The following RP1 variants were observed in gnomAD, a reference collection of about 807,000 sequenced individuals.
RP1 encodes the protein RP1 axonemal microtubule associated, also known as oxygen-regulated protein 1.
RP1 carries 16 observed loss-of-function variants against 14.8 expected under a neutral mutation model. That is an observed-to-expected ratio of 1.08 (90% CI 0.73 to 1.65). The LOEUF (loss-of-function observed/expected upper bound fraction) is 1.65. Ranked by LOEUF, RP1 falls within the 40% of genes most tolerant of loss-of-function variation. The pLI is 0.00. For missense variants in RP1, 2,631 were observed against 2,535.0 expected (o/e 1.04, Z -0.81); for synonymous variants, 876 against 883.6 (o/e 0.99, Z 0.15).
At chr8:54,785,485 A>G (rs1459209478) in intron 24 of RP1, among the ~76,000 whole-genome samples, 2 of 149,962 alleles carry the variant, frequency 1.3e-5, no homozygotes, top group Non-Finnish European at 2.9e-5. Flanking sequence ...ACATCTATGT[A>G]CAAGTTTTTG....
Position 54,630,374 on chromosome 8 carries a change from T to C in RP1, c.*21T>C, listed in dbSNP as rs746305568. Reference sequence around the variant, plus strand: ...TATAATTTCAATATCAGCACACTCATTCTTTGTCAATTCATTTTTTCCCAT... The same window carrying C: ...TATAATTTCAATATCAGCACACTCACTCTTTGTCAATTCATTTTTTCCCAT... On this transcript the variant is annotated 3_prime_UTR_variant, in exon 4 of 4. Coordinates refer to ENST00000220676, the MANE Select transcript of RP1 (RefSeq NM_006269.2). 70 of 1,612,476 alleles carry C rather than the reference T, an allele frequency of 4.3e-5. 1 individual carries two copies. The Admixed American group carries it at 1.2e-3, about 27-fold the overall frequency.
chr8:54,652,591 CT>C lies in RP1; in HGVS notation c.952-188del, dbSNP rs1435196460. Among the ~76,000 whole-genome samples, 3 of 152,108 alleles carry C rather than the reference CT, an allele frequency of 2.0e-5. No individual in the cohort carries two copies. In the East Asian group the frequency reaches 5.8e-4, roughly 29 times the overall value. ...AACTATTATCATAGAGTGTCTGTTT[CT>C]CTATTCAGTTCTGTTAAATTTTGCT... is the stretch of plus-strand genomic sequence containing the variant. On this transcript the variant is annotated intron_variant, in intron 4 of 22. Transcript: ENST00000636932.
intron 24 of RP1, among the ~76,000 whole-genome samples, chr8:54,833,745 T>A (rs1445507990): frequency 6.6e-6 from 1 of 151,996 alleles, no homozygotes; most frequent in Admixed American, 6.6e-5. Flanking sequence ...ACTAATTGGA[T>A]TACAAACTGT....
chr8:54,630,175 A>C lies in RP1; in HGVS notation c.6293A>C (p.Glu2098Ala), dbSNP rs1454735315. 4 of 1,613,772 alleles carry C rather than the reference A, an allele frequency of 2.5e-6. No homozygotes were observed. The Admixed American group carries it at 6.7e-5, about 27-fold the overall frequency. The change falls in exon 4 of 4, where the codon GAA becomes GCA. Residue 2098 changes from glutamate (E) to alanine (A), a missense_variant. Coordinates refer to ENST00000220676, the MANE Select transcript of RP1 (RefSeq NM_006269.2). ...RENINCHYFFEMLGQACLLDI... is the reference protein window; with the variant it reads ...RENINCHYFFAMLGQACLLDI... ...AATATCAACTGTCATTACTTCTTTGAAATGCTTGGTCAAGCTTGCCTCTTA... is the reference window on the plus strand; with the variant it reads ...AATATCAACTGTCATTACTTCTTTGCAATGCTTGGTCAAGCTTGCCTCTTA...
intron 12 of RP1, among the ~76,000 whole-genome samples, chr8:54,687,675 G>T (rs1288129742): frequency 1.3e-5 from 2 of 152,146 alleles, no homozygotes; most frequent in Non-Finnish European, 2.9e-5. Flanking sequence ...ATTCCATGGT[G>T]TATATACGCC....
chr8:54,854,472 C>T (rs558201271), intron 26 of RP1, among the ~76,000 whole-genome samples: 1 of 152,276 alleles, frequency 6.6e-6, no homozygotes, highest in South Asian at 2.1e-4. Flanking sequence ...TTTTATGTAA[C>T]ATTATATCTA....
intron 25 of RP1, among the ~76,000 whole-genome samples, chr8:54,839,168 A>G (rs1811734594): frequency 6.6e-6 from 1 of 152,126 alleles, no homozygotes; most frequent in Non-Finnish European, 1.5e-5. Flanking sequence ...TTTGCCTTGA[A>G]CAGGTGGGTT....
At chr8:54,834,052 G>C (rs988253517) in intron 24 of RP1, among the ~76,000 whole-genome samples, 2 of 152,022 alleles carry the variant, frequency 1.3e-5, no homozygotes, top group Admixed American at 1.3e-4. Context: ...GAAAGACAGA[G>C]CTCAGATCCT....
At chr8:54,659,316 G>A (rs1323470904) in intron 6 of RP1, among the ~76,000 whole-genome samples, 2 of 152,012 alleles carry the variant, frequency 1.3e-5, no homozygotes, top group Admixed American at 6.6e-5. Context: ...TATCCTGAAG[G>A]TTTTCTCTTA....
At chr8:54,796,770 G>A (rs1258590538) in intron 24 of RP1, among the ~76,000 whole-genome samples, 2 of 152,134 alleles carry the variant, frequency 1.3e-5, no homozygotes, top group Non-Finnish European at 2.9e-5. Context: ...GAGAGAATAA[G>A]TATCCGTTGT....
At chr8:54,722,757 A>G (rs1808567128) in intron 16 of RP1, among the ~76,000 whole-genome samples, 1 of 152,114 alleles carries the variant, frequency 6.6e-6, no homozygotes, top group Non-Finnish European at 1.5e-5. Context: ...CTGACTGATA[A>G]GGGGACTTGG....
At chr8:54,676,097 A>C (rs1807289862) in intron 8 of RP1, among the ~76,000 whole-genome samples, 1 of 152,064 alleles carries the variant, frequency 6.6e-6, no homozygotes, top group South Asian at 2.1e-4. Flanking sequence ...TAAACGCTCC[A>C]TCTCTTAATG....
At chr8:54,806,983 AC>A (rs1810867722) in intron 24 of RP1, among the ~76,000 whole-genome samples, 1 of 152,246 alleles carries the variant, frequency 6.6e-6, no homozygotes, top group Non-Finnish European at 1.5e-5. Flanking sequence ...GAAAAATTGA[AC>A]AAAACAGGCA....
chr8:54,862,867 A>T (rs1374907059), intron 27 of RP1, among the ~76,000 whole-genome samples: 4 of 152,106 alleles, frequency 2.6e-5, no homozygotes. Flanking sequence ...AGAAATGCCA[A>T]GAAAGGGAGA....
chr8:54,636,189 A>G (rs1266347058), intron 3 of RP1, among the ~76,000 whole-genome samples: 2 of 152,204 alleles, frequency 1.3e-5, no homozygotes, highest in Non-Finnish European at 2.9e-5. Context: ...CTTGACAGGA[A>G]TAATCTGGAT....
rs1039912228 is a variant in RP1, at chr8:54,830,208, T to C, written c.3616-7242T>C. Among the ~76,000 whole-genome samples, 7 of 152,280 alleles carry C rather than the reference T, an allele frequency of 4.6e-5. No individual in the cohort carries two copies. In the East Asian group the frequency reaches 1.3e-3, roughly 29 times the overall value. On this transcript the variant is annotated intron_variant, in intron 24 of 28. Coordinates refer to the RP1 transcript ENST00000637698. ...TTTTCTTCCTGTTTTTAAGCTCTAT[T>C]AGTAGGTACCTTCACATTGAAGATT...
At chr8:54,647,682 GT>G (rs1034251112) in intron 3 of RP1, among the ~76,000 whole-genome samples, 3 of 151,358 alleles carry the variant, frequency 2.0e-5, no homozygotes, top group African/African-American at 7.3e-5. Context: ...CTTCACTTTT[GT>G]TTTATTCCTT....
At chr8:54,776,182 A>G (rs986642415) in intron 23 of RP1, among the ~76,000 whole-genome samples, 2 of 152,094 alleles carry the variant, frequency 1.3e-5, no homozygotes, top group East Asian at 3.8e-4. Flanking sequence ...ATATTGTGCC[A>G]TTTTGTTGTT....
rs1326733672 is a variant in RP1 at position 54,649,157 on chromosome 8, T to C, written c.951+9T>C. ...ATGAAGACATATTTACTGTAAGTAATAAAACTGAGTATAAACTGTTAATAT... is the reference window on the plus strand; with the variant it reads ...ATGAAGACATATTTACTGTAAGTAACAAAACTGAGTATAAACTGTTAATAT... On this transcript the variant is annotated intron_variant, in intron 4 of 22. Coordinates refer to the RP1 transcript ENST00000636932. 4.8e-6 allele frequency: 7 copies of C among 1,472,492 alleles called. 1 individual carries two copies. The South Asian group carries it at 8.5e-5, about 18-fold the overall frequency. 91.2% of individuals were successfully genotyped at this position (1,472,492 alleles called of 1,614,324 possible). A position where few individuals can be genotyped will look rare whatever the true frequency, so the allele number is the denominator to read the frequency against.
Sources: allele counts gnomAD v4.1 joint callset (sites outside exome capture counted in the v4.1 genomes callset), GRCh38; gene constraint gnomAD v4.1.1; transcripts MANE v1.5; gene names NCBI Gene and HGNC (gene_info 2026-07-23, HGNC 2026-07-21).